Variants in ANKRD44 observed in about 807,000 individuals in gnomAD.
ANKRD44 encodes the protein serine/threonine-protein phosphatase 6 regulatory ankyrin repeat subunit B.
In ANKRD44, 35 loss-of-function variants were observed where a neutral mutation model predicts 116.0. The observed-to-expected ratio is 0.30, with a 90% CI of 0.23 to 0.40. The LOEUF (loss-of-function observed/expected upper bound fraction) is 0.40. Among genes scored for constraint, ANKRD44 ranks in the 10% least tolerant of loss-of-function variants. The probability of loss-of-function intolerance (pLI) is 1.00; values close to 1 mark genes in which losing one functional copy is unlikely to be tolerated. For synonymous variants in ANKRD44, 435 were observed against 461.8 expected, an observed-to-expected ratio of 0.94 and a Z score of 0.74; for missense variants, 1,014 against 1,242.6, an observed-to-expected ratio of 0.82 and a Z score of 2.77.
At chr2:197,250,417 C>T (rs2082290101) in intron 1 of ANKRD44, among the ~76,000 whole-genome samples, 1 of 152,210 alleles carries the variant, frequency 6.6e-6, no homozygotes, top group Admixed American at 6.5e-5. Flanking sequence ...CGCTCACTTC[C>T]AACCAACTTG....
At chr2:197,268,316 T>G (rs1185957986) in intron 1 of ANKRD44, among the ~76,000 whole-genome samples, 2 of 152,146 alleles carry the variant, frequency 1.3e-5, no homozygotes, top group Non-Finnish European at 2.9e-5. Flanking sequence ...TGAGATGCAC[T>G]GGGGCACGGG....
chr2:197,078,171 T>G (rs1024446375), intron 16 of ANKRD44: 5 of 157,324 alleles, frequency 3.2e-5, no homozygotes, highest in Non-Finnish European at 5.6e-5. Flanking sequence ...ATCATGACAA[T>G]TATGACATGG....
intron 16 of ANKRD44, among the ~76,000 whole-genome samples, chr2:197,030,867 C>T (rs1156334583): frequency 2.6e-5 from 4 of 151,838 alleles, no homozygotes; most frequent in African/African-American, 4.8e-5. Context: ...TGTAGAGATG[C>T]GGTCTCACTA....
intron 2 of ANKRD44, chr2:197,148,004 A>C (rs1296134333): frequency 1.9e-5 from 7 of 361,234 alleles, no homozygotes; most frequent in Admixed American, 6.8e-5. Flanking sequence ...TATCTTTGGC[A>C]AGGCATTGAA....
intron 12 of ANKRD44, 80 bp downstream of exon 12, chr2:197,088,631 T>C: frequency 1.1e-6 from 1 of 905,568 alleles, no homozygotes; most frequent in Non-Finnish European, 1.6e-6. Context: ...GAAATTGCCT[T>C]TGATTCACAG....
rs118011973 is a variant in ANKRD44, at chr2:197,162,484, A to G, written c.112-15379T>C. ...TTCCTGTCCAAAAGGCGAGTCTCAG[A>G]CGGAAATGTAGAAGTGTGATGCTTT... is the stretch of plus-strand genomic sequence containing the variant. On this transcript the variant is annotated intron_variant, in intron 2 of 27. Coordinates refer to ENST00000282272, the MANE Select transcript of ANKRD44 (RefSeq NM_001195144.2). 2.6e-5 allele frequency among the ~76,000 whole-genome samples: 4 copies of G among 152,370 alleles called. No homozygotes were observed. In the East Asian group the frequency reaches 7.7e-4, roughly 29 times the overall value.
intron 1 of ANKRD44, among the ~76,000 whole-genome samples, chr2:197,283,360 T>C (rs6730590): frequency 0.55 from 83,421 of 152,088 alleles, 23,791 homozygotes; most frequent in East Asian, 0.7. Flanking sequence ...TTTATTGAGT[T>C]CTATTAACCT....
Position 196,988,770 on chromosome 2 carries a change from T to C in ANKRD44, c.*821A>G, listed in dbSNP as rs2075868435. ...TCTTCCTCAAGTAGAAAATAGCACT[T>C]GAGCTGGTGATTTTTATTTCTCCTT... is the stretch of plus-strand genomic sequence containing the variant. On this transcript the variant is annotated 3_prime_UTR_variant, in exon 28 of 28. Coordinates refer to ENST00000282272, the MANE Select transcript of ANKRD44 (RefSeq NM_001195144.2). 1.0e-6 allele frequency: 1 copy of C among 985,320 alleles called. No homozygotes were observed. The highest frequency in any genetic ancestry group is 1.2e-6 in the Non-Finnish European group (1 of 829,930). 61.0% of individuals were successfully genotyped at this position (985,320 alleles called of 1,614,324 possible). A position where few individuals can be genotyped will look rare whatever the true frequency, so the allele number is the denominator to read the frequency against.
intron 1 of ANKRD44, among the ~76,000 whole-genome samples, chr2:197,217,274 A>G (rs7588858): frequency 0.2 from 31,048 of 152,142 alleles, 3,341 homozygotes; most frequent in Middle Eastern, 0.31. Context: ...AGGGTGTCAA[A>G]TATAACATAA....
At chr2:197,016,866 G>A (rs530878667) in intron 17 of ANKRD44, among the ~76,000 whole-genome samples, 1 of 151,952 alleles carries the variant, frequency 6.6e-6, no homozygotes, top group African/African-American at 2.4e-5. Context: ...TTGAAAAAAG[G>A]CTCAGCACAG....
At chr2:197,078,561 T>C (rs1574413804) in intron 16 of ANKRD44, 142 bp downstream of exon 16, 1 of 1,512,796 alleles carries the variant, frequency 6.6e-7, no homozygotes, top group East Asian at 2.6e-5. Flanking sequence ...CTTTTTGAAA[T>C]CAGAATTCAT....
At chr2:197,268,886 G>T (rs1318381023) in intron 1 of ANKRD44, among the ~76,000 whole-genome samples, 1 of 152,116 alleles carries the variant, frequency 6.6e-6, no homozygotes, top group Non-Finnish European at 1.5e-5. Context: ...TTTTTAAATT[G>T]TAATGATCTA....
chr2:197,292,893 A>C (rs534832451), intron 1 of ANKRD44, among the ~76,000 whole-genome samples: 1 of 152,320 alleles, frequency 6.6e-6, no homozygotes, highest in African/African-American at 2.4e-5. Context: ...AAATCTCCAC[A>C]GTACAAAAAA....
intron 17 of ANKRD44, among the ~76,000 whole-genome samples, chr2:197,020,791 T>C (rs918960829): frequency 6.6e-6 from 1 of 150,442 alleles, no homozygotes; most frequent in Admixed American, 6.6e-5. Context: ...TTTATAATTA[T>C]ATATGGAGTT....
intron 21 of ANKRD44, among the ~76,000 whole-genome samples, chr2:196,968,822 C>T (rs1233704847): frequency 6.6e-6 from 1 of 152,176 alleles, no homozygotes; most frequent in African/African-American, 2.4e-5. Flanking sequence ...TTACTATTGT[C>T]TTTCCATTTT....
At chr2:197,215,776 A>G (rs943737646) in intron 1 of ANKRD44, among the ~76,000 whole-genome samples, 3 of 152,226 alleles carry the variant, frequency 2.0e-5, no homozygotes, top group Non-Finnish European at 2.9e-5. Flanking sequence ...AGGGTCATGT[A>G]GGTTTAAAAA....
At chr2:197,249,558 A>C (rs1283448814) in intron 1 of ANKRD44, among the ~76,000 whole-genome samples, 1 of 152,234 alleles carries the variant, frequency 6.6e-6, no homozygotes, top group Non-Finnish European at 1.5e-5. Context: ...CAGCAAACAC[A>C]CTCAATAAAA....
At chr2:197,235,489 G>A (rs559397040) in intron 1 of ANKRD44, among the ~76,000 whole-genome samples, 6 of 151,974 alleles carry the variant, frequency 3.9e-5, no homozygotes, top group Admixed American at 1.3e-4. Context: ...GGTGGCGGGC[G>A]CCTGTAATCC....
At chr2:197,154,572 T>G (rs1182149089) in intron 2 of ANKRD44, among the ~76,000 whole-genome samples, 1 of 152,240 alleles carries the variant, frequency 6.6e-6, no homozygotes, top group Non-Finnish European at 1.5e-5. Flanking sequence ...TATCTTTACC[T>G]ATTGTTAAAT....
Sources: allele counts gnomAD v4.1 joint callset (sites outside exome capture counted in the v4.1 genomes callset), GRCh38; gene constraint gnomAD v4.1.1; transcripts MANE v1.5; gene names NCBI Gene and HGNC (gene_info 2026-07-23, HGNC 2026-07-21).